FOXP1: variants seen among roughly 807,000 people sequenced by gnomAD.
FOXP1 encodes forkhead box P1.
A neutral mutation model predicts 98.2 loss-of-function variants in FOXP1; 15 were observed. The ratio of observed to expected loss-of-function variants is 0.15; its 90% CI spans 0.10 to 0.24. FOXP1 has a LOEUF of 0.24. Ranked by LOEUF, FOXP1 falls within the 10% of genes least tolerant of loss-of-function variation. The pLI, the probability that FOXP1 is intolerant of heterozygous loss-of-function variation, is 1.00. For synonymous variants in FOXP1, 371 were observed against 314.5 expected, an observed-to-expected ratio of 1.18 and a Z score of -1.90; for missense variants, 633 against 848.5, an observed-to-expected ratio of 0.75 and a Z score of 3.15.
At chr3:71,141,902 T>C (rs767935080) in intron 6 of FOXP1, among the ~76,000 whole-genome samples, 1 of 152,066 alleles carries the variant, frequency 6.6e-6, no homozygotes, top group Non-Finnish European at 1.5e-5. Flanking sequence ...AGAAATCAAA[T>C]AGCCAAGGAG....
Position 70,976,795 on chromosome 3 carries a change from C to A in FOXP1, c.1530+146G>T, listed in dbSNP as rs180998313. On this transcript the variant is annotated intron_variant, in intron 17 of 20. Coordinates refer to ENST00000649528, the MANE Select transcript of FOXP1 (RefSeq NM_001349338.3). ...TTCAACCACAATGGCACTATTTTCC[C>A]AATCAAATACACCTAGAGATTGGAC... The A allele has an allele frequency of 2.8e-4, 185 of 656,596 alleles. No homozygotes were observed. The African/African-American group carries it at 3.2e-3, about 11-fold the overall frequency. The allele number at this position is 656,596 out of a possible 1,614,324, so 40.7% of individuals were successfully genotyped here.
intron 5 of FOXP1, among the ~76,000 whole-genome samples, chr3:71,248,092 A>C (rs758518671): frequency 1.3e-5 from 2 of 152,224 alleles, no homozygotes; most frequent in Non-Finnish European, 2.9e-5. Flanking sequence ...GGACTTGTCA[A>C]TTACACAAGC....
chr3:70,995,680 A>T (rs1219791039), intron 13 of FOXP1, among the ~76,000 whole-genome samples: 1 of 152,200 alleles, frequency 6.6e-6, no homozygotes, highest in Non-Finnish European at 1.5e-5. Context: ...TTTAAAAATT[A>T]TAACTGTCTT....
At chr3:71,582,902 G>A (rs2048301619) in intron 1 of FOXP1, 1 of 753,554 alleles carries the variant, frequency 1.3e-6, no homozygotes, top group Non-Finnish European at 1.6e-6. Context: ...GCGGGGCCCA[G>A]GGCCAGGCAC....
At chr3:71,466,627 G>T (rs2108565925) in intron 3 of FOXP1, among the ~76,000 whole-genome samples, 1 of 152,248 alleles carries the variant, frequency 6.6e-6, no homozygotes, top group South Asian at 2.1e-4. Flanking sequence ...TAGCTTAGGG[G>T]GTGGGTGCAG....
intron 4 of FOXP1, among the ~76,000 whole-genome samples, chr3:71,354,150 C>CA (rs541215729): frequency 0.6 from 76,899 of 128,924 alleles, 22,397 homozygotes; most frequent in East Asian, 0.75. Flanking sequence ...ATTAAAAATA[C>CA]AAAAAAAAAA....
upstream of FOXP1, chr3:71,583,772 T>C: frequency 1.6e-5 from 16 of 986,048 alleles, no homozygotes; most frequent in South Asian, 3.2e-4. Flanking sequence ...ATTCCTCCGC[T>C]CCGGACTAGC....
chr3:71,498,384 C>T (rs1351000995), intron 2 of FOXP1, among the ~76,000 whole-genome samples: 1 of 152,148 alleles, frequency 6.6e-6, no homozygotes, highest in Non-Finnish European at 1.5e-5. Context: ...AAGTTGTTTA[C>T]CAAACACTGC....
rs144562888 is a variant in FOXP1, at chr3:71,197,267, T to A, written c.180+935A>T. Among the ~76,000 whole-genome samples, 9 of 152,210 alleles carry A rather than the reference T, an allele frequency of 5.9e-5. No homozygotes were observed. The East Asian group carries it at 1.4e-3, about 23-fold the overall frequency. The stretch of plus-strand genomic sequence containing the variant: ...AGTGGCGCCATAACTATGTTTTGAA[T>A]AAGTAAATCAAGAACAAAACCGGTC... On this transcript the variant is annotated intron_variant, in intron 6 of 20. Transcript: ENST00000649528.
chr3:71,323,551 A>C (rs568700907), intron 4 of FOXP1, among the ~76,000 whole-genome samples: 1 of 152,298 alleles, frequency 6.6e-6, no homozygotes, highest in South Asian at 2.1e-4. Context: ...AGCACACGGG[A>C]AAGTGAGCAG....
At chr3:71,566,012 A>C (rs1285332831) in intron 2 of FOXP1, among the ~76,000 whole-genome samples, 1 of 152,192 alleles carries the variant, frequency 6.6e-6, no homozygotes, top group Non-Finnish European at 1.5e-5. Context: ...CACAATGGCC[A>C]AGGAAACAAC....
At chr3:71,442,327 C>A (rs2086012197) in intron 3 of FOXP1, among the ~76,000 whole-genome samples, 1 of 149,010 alleles carries the variant, frequency 6.7e-6, no homozygotes, top group African/African-American at 2.5e-5. Flanking sequence ...TTGCATATTA[C>A]AACAGGCCAA....
intron 5 of FOXP1, among the ~76,000 whole-genome samples, chr3:71,221,004 T>C (rs1006230832): frequency 6.6e-6 from 1 of 150,900 alleles, no homozygotes; most frequent in East Asian, 2.0e-4. Flanking sequence ...CAGACAAAAA[T>C]ATGAGCATCA....
chr3:71,530,367 C>T (rs572440143), intron 2 of FOXP1, among the ~76,000 whole-genome samples: 73 of 152,286 alleles, frequency 4.8e-4, no homozygotes, highest in African/African-American at 1.6e-3. Flanking sequence ...AGGCCCTCGA[C>T]AGGTGCAGCC....
intron 20 of FOXP1, among the ~76,000 whole-genome samples, chr3:70,963,746 T>C (rs1284612852): frequency 6.6e-6 from 1 of 152,220 alleles, no homozygotes; most frequent in East Asian, 1.9e-4. Context: ...TTTTGCTTTG[T>C]AGCTCCTTTA....
Position 70,959,406 on chromosome 3 carries a change from C to G in FOXP1, c.1890-15G>C. On this transcript the variant is annotated splice_polypyrimidine_tract_variant and intron_variant, in intron 20 of 20. Transcript: ENST00000649528. Reference sequence around the variant, plus strand: ...GTACAGGATGCCTGGAAAAAATATGCAGAGGTTCAGTGAGGGTACTTCCCA... The same window carrying G: ...GTACAGGATGCCTGGAAAAAATATGGAGAGGTTCAGTGAGGGTACTTCCCA... The G allele has an allele frequency of 6.2e-7, 1 of 1,613,860 alleles. No individual in the cohort carries two copies. Among genetic ancestry groups the G allele is most frequent in the Non-Finnish European group, 8.5e-7 (1 of 1,179,932 alleles).
intron 2 of FOXP1, chr3:71,543,402 T>C (rs2045047982): frequency 6.6e-6 from 1 of 152,260 alleles, no homozygotes; most frequent in Admixed American, 6.5e-5. Context: ...CTGAGGAGGA[T>C]TGGGGCAAAA....
intron 13 of FOXP1, among the ~76,000 whole-genome samples, chr3:71,000,664 T>TGA (rs1258545458): frequency 2.0e-5 from 3 of 151,462 alleles, no homozygotes; most frequent in African/African-American, 7.3e-5. Flanking sequence ...AGAGGGAAAG[T>TGA]GAGAGAGAGA....
chr3:71,148,233 C>T (rs1296151887), intron 6 of FOXP1, among the ~76,000 whole-genome samples: 7 of 152,070 alleles, frequency 4.6e-5, no homozygotes, highest in East Asian at 1.9e-4. Flanking sequence ...AAAAATTAGC[C>T]GGGCATGGTG....
Sources: allele counts gnomAD v4.1 joint callset (sites outside exome capture counted in the v4.1 genomes callset), GRCh38; gene constraint gnomAD v4.1.1; transcripts MANE v1.5; gene names NCBI Gene and HGNC (gene_info 2026-07-23, HGNC 2026-07-21).